ATF7IP2: variants seen among roughly 807,000 people sequenced by gnomAD.
ATF7IP2 encodes activating transcription factor 7-interacting protein 2.
Under a neutral mutation model 64.2 loss-of-function variants are expected in ATF7IP2, and 42 were observed. The observed-to-expected ratio is 0.65, with a 90% CI of 0.51 to 0.85. The LOEUF is 0.85. Among genes scored for constraint, ATF7IP2 ranks in the 40% least tolerant of loss-of-function variants. The pLI is 0.00. For synonymous variants in ATF7IP2, 308 were observed against 272.8 expected (o/e 1.13, Z -1.27); for missense variants, 933 against 784.2 (o/e 1.19, Z -2.27).
intron 1 of ATF7IP2, among the ~76,000 whole-genome samples, chr16:10,388,364 T>C (rs1411916850): frequency 6.6e-6 from 1 of 152,240 alleles, no homozygotes; most frequent in Non-Finnish European, 1.5e-5. Context: ...TTTTTTGAAC[T>C]TCTGATTAAG....
At chr16:10,441,989 GGATTTTATTCCT>G (rs1157089205) in intron 8 of ATF7IP2, among the ~76,000 whole-genome samples, 1 of 152,178 alleles carries the variant, frequency 6.6e-6, no homozygotes, top group Non-Finnish European at 1.5e-5. Flanking sequence ...GGAAAGCAGG[GGATTTTATTCCT>G]AATGCTGTTC....
chr16:10,481,007 T>G, intron 13 of ATF7IP2, 43 bp downstream of exon 13: 1 of 1,414,660 alleles, frequency 7.1e-7, no homozygotes, highest in South Asian at 1.2e-5. Flanking sequence ...TATTCCAAAT[T>G]GAGTGGGAAG....
chr16:10,458,011 C>T (rs1005274437), intron 9 of ATF7IP2, among the ~76,000 whole-genome samples: 2 of 152,152 alleles, frequency 1.3e-5, no homozygotes, highest in Non-Finnish European at 2.9e-5. Flanking sequence ...TGCGCCTGGC[C>T]CTATACTTGA....
chr16:10,387,226 A>G (rs756392861), intron 1 of ATF7IP2: 2 of 152,260 alleles, frequency 1.3e-5, no homozygotes, highest in Non-Finnish European at 2.9e-5. Flanking sequence ...CAGGAAAGCA[A>G]TTGAAAATGC....
chr16:10,391,178 G>A (rs142255282), intron 1 of ATF7IP2, among the ~76,000 whole-genome samples: 1 of 151,252 alleles, frequency 6.6e-6, no homozygotes, highest in African/African-American at 2.4e-5. Flanking sequence ...AAAATGTGCT[G>A]GGCGTGGGGG....
At chr16:10,435,931 C>T (rs1283292287) in intron 6 of ATF7IP2, among the ~76,000 whole-genome samples, 5 of 152,212 alleles carry the variant, frequency 3.3e-5, no homozygotes, top group East Asian at 3.9e-4. Context: ...AGTGTTTCCA[C>T]GTTCAAAAGA....
chr16:10,443,446 C>T (rs1415341515), intron 8 of ATF7IP2, among the ~76,000 whole-genome samples: 2 of 152,130 alleles, frequency 1.3e-5, no homozygotes, highest in Non-Finnish European at 2.9e-5. Context: ...ATTTGAAGGC[C>T]ATGCAAGTAG....
chr16:10,478,269 G>C (rs1468098811), intron 12 of ATF7IP2, among the ~76,000 whole-genome samples: 3 of 150,344 alleles, frequency 2.0e-5, no homozygotes, highest in Non-Finnish European at 4.5e-5. Flanking sequence ...CAAGGCTACA[G>C]TAACCAAAAC....
intron 12 of ATF7IP2, among the ~76,000 whole-genome samples, chr16:10,477,475 C>G (rs1200599221): frequency 3.3e-5 from 5 of 152,050 alleles, no homozygotes; most frequent in Non-Finnish European, 7.4e-5. Flanking sequence ...TGGGACGTAT[C>G]TCAAAATAAT....
intron 3 of ATF7IP2, among the ~76,000 whole-genome samples, chr16:10,420,055 G>C (rs548683286): frequency 6.6e-6 from 1 of 152,160 alleles, no homozygotes. Context: ...CTTTTGCAAC[G>C]GCTGTTTCGG....
intron 6 of ATF7IP2, among the ~76,000 whole-genome samples, chr16:10,435,305 T>G (rs1461360879): frequency 6.6e-6 from 1 of 152,224 alleles, no homozygotes; most frequent in African/African-American, 2.4e-5. Context: ...TTAATTCCAG[T>G]TAAATTACTG....
rs973054506 is a variant in ATF7IP2 at position 10,391,163 on chromosome 16, A to G, written c.-242+5041A>G. On this transcript the variant is annotated intron_variant, in intron 1 of 13. Transcript: ENST00000562102. ...CAGAGAGAGACCCTGTCTCAAAAAA[A>G]AAAAAAAATGTGCTGGGCGTGGGGG... 1.6e-3 allele frequency among the ~76,000 whole-genome samples: 238 copies of G among 151,972 alleles called. 1 individual carries two copies. Among genetic ancestry groups the G allele is most frequent in the African/African-American group, 5.4e-3 (224 of 41,444 alleles).
chr16:10,421,276 C>G (rs921848505), intron 3 of ATF7IP2, among the ~76,000 whole-genome samples: 2 of 152,086 alleles, frequency 1.3e-5, no homozygotes, highest in South Asian at 2.1e-4. Flanking sequence ...GTAGGTGAAT[C>G]TGAGTTGAAA....
chr16:10,477,779 C>CTGAT (rs575630381), intron 12 of ATF7IP2, among the ~76,000 whole-genome samples: 6 of 152,180 alleles, frequency 3.9e-5, no homozygotes, highest in African/African-American at 1.4e-4. Flanking sequence ...TCTCCTTAAG[C>CTGAT]TGATTGATAG....
chr16:10,402,580 C>T (rs8057290), intron 1 of ATF7IP2, among the ~76,000 whole-genome samples: 30,406 of 151,954 alleles, frequency 0.2, 3,430 homozygotes, highest in African/African-American at 0.31. Context: ...TCTTCCACCT[C>T]AGCCTCCCAA....
At chr16:10,420,233 T>C (rs4527019) in intron 3 of ATF7IP2, among the ~76,000 whole-genome samples, 120,970 of 152,186 alleles carry the variant, frequency 0.79, 48,936 homozygotes, top group African/African-American at 0.95. Flanking sequence ...CACCGCAAAA[T>C]ACTGCAAAAG....
chr16:10,434,083 AT>A (rs968479641), intron 6 of ATF7IP2, among the ~76,000 whole-genome samples: 1 of 152,232 alleles, frequency 6.6e-6, no homozygotes, highest in African/African-American at 2.4e-5. Context: ...CTGGAAGTCC[AT>A]TGCAAAGTCC....
intron 3 of ATF7IP2, among the ~76,000 whole-genome samples, chr16:10,426,972 C>G (rs2048098557): frequency 1.3e-5 from 2 of 151,898 alleles, no homozygotes; most frequent in Admixed American, 1.3e-4. Context: ...CTTACCTTGT[C>G]CTCCCAAGTA....
intron 5 of ATF7IP2, among the ~76,000 whole-genome samples, chr16:10,431,737 CTCT>C (rs1321060809): frequency 2.0e-5 from 3 of 151,106 alleles, no homozygotes; most frequent in Non-Finnish European, 4.4e-5. Flanking sequence ...TCATATACAT[CTCT>C]TCTTATTTTG....
Sources: gnomAD v4.1 joint callset for allele counts (sites outside exome capture counted in the v4.1 genomes callset) on GRCh38, gnomAD v4.1.1 for gene constraint, MANE v1.5 for transcripts, NCBI Gene and HGNC (gene_info 2026-07-23, HGNC 2026-07-21) for gene names.